Variants in C13orf46 observed in about 807,000 individuals in gnomAD.
The protein encoded by C13orf46 is chromosome 13 open reading frame 46, also known as uncharacterized protein C13orf46.
chr13:113,973,779 C>T (rs61967979), intron 1 of C13orf46, 29 bp downstream of exon 1: 19,576 of 152,392 alleles, frequency 0.13, 1,732 homozygotes, highest in Middle Eastern at 0.2. Flanking sequence ...GCGCCGTCCA[C>T]CCGCTCCCCG....
chr13:113,929,452 G>A, the C13orf46 span, among the ~76,000 whole-genome samples: 2 of 152,256 alleles, frequency 1.3e-5, no homozygotes, highest in Admixed American at 1.3e-4. Context: ...GACAGGCTCA[G>A]CTTCTTGGGG....
chr13:113,963,484 CGTCCTCAGCCTCGGCCCCT>C (rs1323292263), intron 6 of C13orf46, among the ~76,000 whole-genome samples: 16 of 142,648 alleles, frequency 1.1e-4, no homozygotes, highest in Admixed American at 2.8e-4. Context: ...AGCCTCAGCC[CGTCCTCAGCCTCGGCCCCT>C]GTCCTCAGCC....
chr13:113,965,552 T>A (rs997076178), intron 5 of C13orf46, among the ~76,000 whole-genome samples: 4 of 152,102 alleles, frequency 2.6e-5, no homozygotes, highest in African/African-American at 9.7e-5. Context: ...ATAATGTTGA[T>A]GGTGATGACG....
At chr13:113,951,847 C>T (rs1338691231), downstream of C13orf46, among the ~76,000 whole-genome samples, 3 of 152,228 alleles carry the variant, frequency 2.0e-5, no homozygotes, top group Non-Finnish European at 2.9e-5. Context: ...GGCTGGGGAC[C>T]GGCGGCACCT....
intron 6 of C13orf46, among the ~76,000 whole-genome samples, chr13:113,963,177 G>T (rs879246069): frequency 3.4e-5 from 5 of 149,198 alleles, no homozygotes; most frequent in Non-Finnish European, 7.5e-5. Flanking sequence ...CAGCCTCCCC[G>T]CTATCCTCAG....
At chr13:113,944,688 TCCTCCAGGTGTGTGATGGGC>T in the C13orf46 span, among the ~76,000 whole-genome samples, 1 of 45,564 alleles carries the variant, frequency 2.2e-5, no homozygotes. Flanking sequence ...GTGTGACAAG[TCCTCCAGGTGTGTGATGGGC>T]CCTCCAGGTG....
chr13:113,927,444 G>C, the C13orf46 span: 1 of 397,916 alleles, frequency 2.5e-6, no homozygotes, highest in Non-Finnish European at 4.4e-6. Flanking sequence ...GCATTTCTTA[G>C]GTCTGGCACT....
chr13:113,936,475 C>T, the C13orf46 span, among the ~76,000 whole-genome samples: 13 of 152,296 alleles, frequency 8.5e-5, no homozygotes, highest in African/African-American at 2.6e-4. Context: ...ACTTTGCTTC[C>T]GACATTACAA....
At chr13:113,945,970 C>T in the C13orf46 span, among the ~76,000 whole-genome samples, 538 of 152,268 alleles carry the variant, frequency 3.5e-3, 1 homozygote, top group African/African-American at 0.012. Context: ...CACCGCCGCC[C>T]GTTCACTGTG....
At chr13:113,961,931 C>T (rs1326118522) in intron 6 of C13orf46, among the ~76,000 whole-genome samples, 2 of 152,022 alleles carry the variant, frequency 1.3e-5, no homozygotes, top group African/African-American at 4.8e-5. Flanking sequence ...TCTGTGGCTA[C>T]TCTGGAACTA....
the C13orf46 span, among the ~76,000 whole-genome samples, chr13:113,938,368 G>A: frequency 6.6e-6 from 1 of 152,190 alleles, no homozygotes; most frequent in African/African-American, 2.4e-5. Flanking sequence ...CTGAAGGCAG[G>A]GCTGGCAGGA....
chr13:113,971,760 C>A (rs1455093673), intron 1 of C13orf46, among the ~76,000 whole-genome samples: 1 of 152,210 alleles, frequency 6.6e-6, no homozygotes, highest in Non-Finnish European at 1.5e-5. Flanking sequence ...ACCAAGTCTG[C>A]GAGGGGTGAG....
chr13:113,946,413 C>T, the C13orf46 span, among the ~76,000 whole-genome samples: 1 of 152,206 alleles, frequency 6.6e-6, no homozygotes, highest in East Asian at 1.9e-4. Context: ...GGGCGTCCTG[C>T]AGGCTCTGCA....
downstream of C13orf46, among the ~76,000 whole-genome samples, chr13:113,952,338 G>A: frequency 8.4e-6 from 1 of 118,468 alleles, no homozygotes; most frequent in East Asian, 2.0e-4. Flanking sequence ...GGGCCGCTGT[G>A]TGGCCGCCGC....
chr13:113,946,898 C>T, the C13orf46 span, among the ~76,000 whole-genome samples: 2 of 152,264 alleles, frequency 1.3e-5, no homozygotes, highest in Non-Finnish European at 2.9e-5. Context: ...TGGAGCCCCA[C>T]AGCGGCGATA....
the C13orf46 span, among the ~76,000 whole-genome samples, chr13:113,946,835 C>T: frequency 6.6e-6 from 1 of 152,266 alleles, no homozygotes. Context: ...CTGAGGGTCT[C>T]ACAGTTGGGG....
the C13orf46 span, among the ~76,000 whole-genome samples, chr13:113,936,589 C>A: frequency 2.0e-5 from 3 of 152,192 alleles, no homozygotes; most frequent in African/African-American, 7.2e-5. Flanking sequence ...CACGCAGAGC[C>A]GGCTAAACAG....
rs935285871 is a variant in C13orf46 at position 113,958,479 on chromosome 13, C to T, written c.573-1640G>A. On this transcript the variant is annotated intron_variant, in intron 6 of 6. Coordinates refer to ENST00000636427, the MANE Select transcript of C13orf46 (RefSeq NM_001365455.2). ...TCTTAAAAGATCAGTGACCTGGGTC[C>T]GTGCCTTTTCCTGCACACGACGTCT... 1.4e-4 allele frequency among the ~76,000 whole-genome samples: 21 copies of T among 152,322 alleles called. No individual in the cohort carries two copies. In the Middle Eastern group the frequency reaches 0.01, roughly 74 times the overall value.
At chr13:113,933,638 CT>C in the C13orf46 span, among the ~76,000 whole-genome samples, 1 of 152,068 alleles carries the variant, frequency 6.6e-6, no homozygotes, top group Non-Finnish European at 1.5e-5. Context: ...TTATTTAGGC[CT>C]TTTTTCATTC....
Sources: gnomAD v4.1 joint callset for allele counts (sites outside exome capture counted in the v4.1 genomes callset) on GRCh38, gnomAD v4.1.1 for gene constraint, MANE v1.5 for transcripts, NCBI Gene and HGNC (gene_info 2026-07-23, HGNC 2026-07-21) for gene names.